The following ARHGAP29 variants were observed in gnomAD, a reference collection of about 807,000 sequenced individuals.
ARHGAP29 encodes rho GTPase-activating protein 29.
A neutral mutation model predicts 122.6 loss-of-function variants in ARHGAP29; 43 were observed. The observed-to-expected ratio is 0.35, with a 90% CI of 0.27 to 0.45. The LOEUF (loss-of-function observed/expected upper bound fraction) is 0.45. ARHGAP29 is among the 20% of genes least tolerant of loss of function. The pLI, the probability that ARHGAP29 is intolerant of heterozygous loss-of-function variation, is 1.00. For missense variants in ARHGAP29, 1,303 were observed against 1,477.2 expected, an observed-to-expected ratio of 0.88 and a Z score of 1.93; for synonymous variants, 506 against 497.1, an observed-to-expected ratio of 1.02 and a Z score of -0.24.
chr1:94,188,686 T>A, intron 15 of ARHGAP29, 151 bp downstream of exon 15: 1 of 644,758 alleles, frequency 1.6e-6, no homozygotes, highest in Non-Finnish European at 2.6e-6. Flanking sequence ...GGCGAATATA[T>A]GAGGGGTTTT....
rs763872689 is a variant in ARHGAP29, at chr1:94,202,684, G to A, written c.1003C>T (p.Arg335Cys). 1.4e-5 allele frequency: 23 copies of A among 1,613,956 alleles called. No homozygotes were observed. The highest frequency in any genetic ancestry group is 4.0e-5 in the African/African-American group (3 of 74,970). ...LKKAKLLCMQ[R>C]QDEYEKAKSS... ...TTTGCTTTCTCATATTCATCTTGAC[G>A]TTGCATGCATAATAATTTTGCCTTT... Residue 335 changes from arginine to cysteine, a missense_variant, in exon 11 of 23, where the codon CGT (arginine) becomes TGT (cysteine). By Grantham distance (180) the Arg-to-Cys change is radical. This residue lies in a region of ARHGAP29 where 592 missense variants were observed against 648.2 expected (regional missense o/e 0.91). Coordinates refer to ENST00000260526, the MANE Select transcript of ARHGAP29 (RefSeq NM_004815.4).
At chr1:94,305,997 G>T in the ARHGAP29 span, among the ~76,000 whole-genome samples, 2 of 152,324 alleles carry the variant, frequency 1.3e-5, no homozygotes, top group South Asian at 2.1e-4. Flanking sequence ...ATTTAGAATT[G>T]CATGAGACCA....
At chr1:94,178,480 T>C (rs1411634869) in intron 20 of ARHGAP29, among the ~76,000 whole-genome samples, 1 of 145,576 alleles carries the variant, frequency 6.9e-6, no homozygotes, top group African/African-American at 2.5e-5. Context: ...CAAGTCCTTA[T>C]ACTGGGAACT....
chr1:94,294,339 T>A, the ARHGAP29 span, among the ~76,000 whole-genome samples: 1 of 152,036 alleles, frequency 6.6e-6, no homozygotes, highest in African/African-American at 2.4e-5. Flanking sequence ...TTAGACAGAA[T>A]CTTGCTTTGT....
rs1337666108 is a variant in ARHGAP29, at chr1:94,169,162, T to A, written c.*4707A>T. Among the ~76,000 whole-genome samples, 1 of 152,246 alleles carries A rather than the reference T, an allele frequency of 6.6e-6. No homozygotes were observed. Among genetic ancestry groups the A allele is most frequent in the African/African-American group, 2.4e-5 (1 of 41,484 alleles). ...TCGTACACTTTTAAACTTTCTCTGA[T>A]AAATTCAGTGAGTATTCAATAATTG... On this transcript the variant is annotated 3_prime_UTR_variant, in exon 23 of 23. Transcript: ENST00000260526.
intron 5 of ARHGAP29, among the ~76,000 whole-genome samples, chr1:94,206,074 T>C (rs1470636239): frequency 6.6e-6 from 1 of 152,190 alleles, no homozygotes; most frequent in Admixed American, 6.5e-5. Flanking sequence ...ATCATTTTAC[T>C]ATATGATAAG....
At chr1:94,217,985 T>TA (rs1652056347) in intron 3 of ARHGAP29, among the ~76,000 whole-genome samples, 2 of 152,194 alleles carry the variant, frequency 1.3e-5, no homozygotes, top group South Asian at 4.1e-4. Flanking sequence ...TTAAAGCACT[T>TA]AGACTGGCTG....
chr1:94,297,757 A>G, the ARHGAP29 span, among the ~76,000 whole-genome samples: 3 of 151,634 alleles, frequency 2.0e-5, no homozygotes, highest in Non-Finnish European at 4.4e-5. Flanking sequence ...GAATGCTGGG[A>G]CTCCCTCTTC....
chr1:94,291,191 G>T, the ARHGAP29 span, among the ~76,000 whole-genome samples: 15 of 151,992 alleles, frequency 9.9e-5, no homozygotes, highest in Non-Finnish European at 1.6e-4. Context: ...TTTGTCTCTT[G>T]TGATCTTTGT....
At position 94,252,846 on chromosome 1, in the gene ARHGAP29, C is replaced by A. The variant is rs184687685; in HGVS notation, c.-32-21203G>T. Among the ~76,000 whole-genome samples the A allele has an allele frequency of 1.1e-3, 173 of 152,236 alleles. 2 individuals are homozygous for A. In the East Asian group the frequency reaches 0.015, roughly 13 times the overall value. ...TAGATAAGAAAGCAAATACTGCTCCCCTTAACCTGTGTATTCTATGATCCT... is the reference window on the plus strand; with the variant it reads ...TAGATAAGAAAGCAAATACTGCTCCACTTAACCTGTGTATTCTATGATCCT... On this transcript the variant is annotated intron_variant and NMD_transcript_variant, in intron 1 of 25. Coordinates refer to the ARHGAP29 transcript ENST00000552844.
upstream of ARHGAP29, among the ~76,000 whole-genome samples, chr1:94,275,849 T>C (rs1419428633): frequency 6.6e-6 from 1 of 152,088 alleles, no homozygotes; most frequent in East Asian, 1.9e-4. Context: ...AGTTTTTGGG[T>C]TTTGGGTTTT....
At chr1:94,314,031 G>A in the ARHGAP29 span, among the ~76,000 whole-genome samples, 21 of 152,124 alleles carry the variant, frequency 1.4e-4, no homozygotes, top group Admixed American at 9.2e-4. Context: ...TGTAAATGAC[G>A]AGTTAATGGG....
At chr1:94,229,196 C>A (rs1378713000) in intron 2 of ARHGAP29, among the ~76,000 whole-genome samples, 1 of 151,668 alleles carries the variant, frequency 6.6e-6, no homozygotes, top group Non-Finnish European at 1.5e-5. Context: ...TTTCTCAATA[C>A]CCAGAGACAA....
chr1:94,220,535 C>T lies in ARHGAP29; in HGVS notation c.206-143G>A. 6.3e-6 allele frequency: 4 copies of T among 632,644 alleles called. No individual in the cohort carries two copies. In the South Asian group the frequency reaches 9.0e-5, roughly 14 times the overall value. The allele number at this position is 632,644 out of a possible 1,614,324, so 39.2% of individuals were successfully genotyped here. A position where few individuals can be genotyped will look rare whatever the true frequency, so the allele number is the denominator to read the frequency against. ...TATACATTCATTTATATCTTCACTGCTGCAATTATATACAATTTAAAAAGC... is the reference window on the plus strand; with the variant it reads ...TATACATTCATTTATATCTTCACTGTTGCAATTATATACAATTTAAAAAGC... On this transcript the variant is annotated intron_variant, in intron 2 of 22. Coordinates refer to ENST00000260526, the MANE Select transcript of ARHGAP29 (RefSeq NM_004815.4).
At chr1:94,237,281 C>A (rs1653337544) in intron 1 of ARHGAP29, 134 bp downstream of exon 1, 2 of 570,422 alleles carry the variant, frequency 3.5e-6, no homozygotes, top group South Asian at 7.6e-5. Flanking sequence ...GCGCAGCCTG[C>A]CACCGCTTCC....
At chr1:94,305,476 C>G in the ARHGAP29 span, among the ~76,000 whole-genome samples, 3 of 152,094 alleles carry the variant, frequency 2.0e-5, no homozygotes, top group African/African-American at 7.2e-5. Context: ...AGGTAAGGAC[C>G]AGAACTTGAA....
the ARHGAP29 span, among the ~76,000 whole-genome samples, chr1:94,290,972 A>G: frequency 2.6e-5 from 4 of 152,216 alleles, no homozygotes; most frequent in Non-Finnish European, 4.4e-5. Flanking sequence ...ATTCCTGGAT[A>G]TCCTTGTAAA....
At chr1:94,202,797 A>G (rs1319969458) in intron 10 of ARHGAP29, 65 bp from the exon 11 acceptor site, 28 of 1,566,264 alleles carry the variant, frequency 1.8e-5, no homozygotes, top group Admixed American at 3.7e-5. Flanking sequence ...TGTCTTTAGC[A>G]TATTCAGCAA....
At chr1:94,189,871 TAAC>T in intron 13 of ARHGAP29, 52 bp downstream of exon 13, 1 of 1,562,132 alleles carries the variant, frequency 6.4e-7, no homozygotes. Context: ...GATAGAAACT[TAAC>T]AATTAAGTGT....
Sources: allele counts gnomAD v4.1 joint callset (sites outside exome capture counted in the v4.1 genomes callset), GRCh38; gene constraint gnomAD v4.1.1; regional missense constraint gnomAD v4.1.1; transcripts MANE v1.5; gene names NCBI Gene and HGNC (gene_info 2026-07-23, HGNC 2026-07-21).